NIM1K: variants seen among roughly 807,000 people sequenced by gnomAD.
The protein encoded by NIM1K is NIM1 serine/threonine protein kinase.
NIM1K carries 35 observed loss-of-function variants against 37.1 expected under a neutral mutation model. That is an observed-to-expected ratio of 0.94 (90% CI 0.72 to 1.25). The LOEUF is 1.25. Ranked by LOEUF, NIM1K falls within the 50% of genes most tolerant of loss-of-function variation. The pLI, the probability that NIM1K is intolerant of heterozygous loss-of-function variation, is 0.00. For missense variants in NIM1K, 564 were observed against 548.0 expected, an observed-to-expected ratio of 1.03 and a Z score of -0.29; for synonymous variants, 234 against 206.6, an observed-to-expected ratio of 1.13 and a Z score of -1.14.
Position 43,206,442 on chromosome 5 carries a change from G to C in NIM1K, c.-695+14031G>C, listed in dbSNP as rs1433312586. Among the ~76,000 whole-genome samples, 3 of 144,024 alleles carry C rather than the reference G, an allele frequency of 2.1e-5. No individual in the cohort carries two copies. In the East Asian group the frequency reaches 6.1e-4, roughly 29 times the overall value. The allele number at this position is 144,024 out of a possible 152,430, so 94.5% of individuals were successfully genotyped here. A position where few individuals can be genotyped will look rare whatever the true frequency, so the allele number is the denominator to read the frequency against. On this transcript the variant is annotated intron_variant, in intron 1 of 3. Coordinates refer to ENST00000326035, the MANE Select transcript of NIM1K (RefSeq NM_153361.4). ...CTTGAGCCCAGGGATCAAGGCTGTAGTGAGCCATGATTGTGCCGCTGCACT... is the reference window on the plus strand; with the variant it reads ...CTTGAGCCCAGGGATCAAGGCTGTACTGAGCCATGATTGTGCCGCTGCACT...
At chr5:43,222,265 G>C (rs1248456821) in intron 1 of NIM1K, among the ~76,000 whole-genome samples, 1 of 152,224 alleles carries the variant, frequency 6.6e-6, no homozygotes, top group Non-Finnish European at 1.5e-5. Context: ...GTTTAGGACA[G>C]AGCAGAGGAA....
chr5:43,208,969 G>A (rs914279089), intron 1 of NIM1K, among the ~76,000 whole-genome samples: 1 of 152,210 alleles, frequency 6.6e-6, no homozygotes, highest in Admixed American at 6.5e-5. Context: ...GTCCATGGGT[G>A]TGTACATTTC....
At chr5:43,195,000 T>A (rs1751891187) in intron 1 of NIM1K, 1 of 152,258 alleles carries the variant, frequency 6.6e-6, no homozygotes, top group African/African-American at 2.4e-5. Flanking sequence ...AATATAACAT[T>A]AAATCCAACT....
rs1401696264 is a variant in NIM1K, at chr5:43,280,412, A to G, written c.994A>G (p.Thr332Ala). The stretch of plus-strand genomic sequence containing the variant: ...ATGGATGCAAGGGGTGCCATACCCT[A>G]CACCTTTGGAACCTTTCCAACTGGA... ...DEWMQGVPYP[T>A]PLEPFQLDPK... is the part of the protein sequence containing the mutation. The change falls in exon 4 of 4, where the codon ACA (threonine) becomes GCA (alanine). Residue 332 changes from threonine (T) to alanine (A), a missense_variant. Coordinates refer to ENST00000326035, the MANE Select transcript of NIM1K (RefSeq NM_153361.4). The G allele has an allele frequency of 2.5e-6, 4 of 1,614,188 alleles. No homozygotes were observed. Among genetic ancestry groups the G allele is most frequent in the Admixed American group, 3.3e-5 (2 of 60,032 alleles).
chr5:43,224,298 C>A (rs1017735916), intron 1 of NIM1K, among the ~76,000 whole-genome samples: 1 of 151,996 alleles, frequency 6.6e-6, no homozygotes, highest in African/African-American at 2.4e-5. Context: ...ATTGCTTGGA[C>A]CCCTGAAGTA....
intron 2 of NIM1K, among the ~76,000 whole-genome samples, chr5:43,269,357 G>C (rs1445322155): frequency 1.4e-5 from 2 of 145,084 alleles, no homozygotes; most frequent in African/African-American, 5.1e-5. Flanking sequence ...GCTAGCCTTT[G>C]GTTTCCATAT....
At position 43,245,930 on chromosome 5, in the gene NIM1K, C is replaced by T. The variant is rs150060621; in HGVS notation, c.155C>T (p.Thr52Ile). The change falls in exon 2 of 4, where the codon ACA becomes ATA. Residue 52 changes from threonine (T) to isoleucine (I), a missense_variant. By Grantham distance (89) the Thr-to-Ile change is moderately conservative. Coordinates refer to ENST00000326035, the MANE Select transcript of NIM1K (RefSeq NM_153361.4). The part of the protein sequence containing the change: ...PRQLTPFEKL[T>I]QDMSQDEKVV... ...CAGCTGACGCCCTTCGAGAAACTGA[C>T]ACAGGACATGTCCCAGGATGAGAAG... 4.3e-6 allele frequency: 7 copies of T among 1,613,996 alleles called. No homozygotes were observed. In the African/African-American group the frequency reaches 8.0e-5, roughly 18 times the overall value.
chr5:43,272,242 C>T (rs576349873), intron 2 of NIM1K, among the ~76,000 whole-genome samples: 1 of 152,292 alleles, frequency 6.6e-6, no homozygotes, highest in East Asian at 1.9e-4. Context: ...CTACCCATCC[C>T]TACTTTTAGA....
intron 1 of NIM1K, among the ~76,000 whole-genome samples, chr5:43,213,828 C>T (rs915930859): frequency 2.6e-5 from 4 of 151,622 alleles, no homozygotes; most frequent in African/African-American, 4.8e-5. Flanking sequence ...TGGGTTTCAC[C>T]ATGTTGGCCA....
chr5:43,278,345 G>A (rs574325086), intron 3 of NIM1K, among the ~76,000 whole-genome samples: 3 of 152,174 alleles, frequency 2.0e-5, no homozygotes, highest in Middle Eastern at 3.4e-3. Context: ...GTGCCTGGCC[G>A]CTTGTGTCAT....
At chr5:43,277,033 A>T (rs1206441861) in intron 2 of NIM1K, 24 bp from the exon 3 acceptor site, 2 of 1,611,118 alleles carry the variant, frequency 1.2e-6, no homozygotes, top group Non-Finnish European at 1.7e-6. Context: ...ATTCTGGCAC[A>T]ATTTTTACTT....
At chr5:43,265,446 G>A (rs956065815) in intron 2 of NIM1K, among the ~76,000 whole-genome samples, 12 of 152,072 alleles carry the variant, frequency 7.9e-5, no homozygotes, top group Non-Finnish European at 1.6e-4. Flanking sequence ...CATAGTTCTT[G>A]TGCCATGGTT....
intron 1 of NIM1K, among the ~76,000 whole-genome samples, chr5:43,235,231 AAATT>A (rs767900929): frequency 6.6e-6 from 1 of 152,246 alleles, no homozygotes; most frequent in Non-Finnish European, 1.5e-5. Context: ...TCACAAATCT[AAATT>A]AATTATCCAA....
At chr5:43,225,577 G>T (rs1168392220) in intron 1 of NIM1K, 2 of 152,468 alleles carry the variant, frequency 1.3e-5, no homozygotes, top group Admixed American at 1.3e-4. Flanking sequence ...CATATTCTGG[G>T]GTGCTACTCA....
chr5:43,197,172 A>G (rs1751930602), intron 1 of NIM1K, among the ~76,000 whole-genome samples: 1 of 152,028 alleles, frequency 6.6e-6, no homozygotes, highest in African/African-American at 2.4e-5. Context: ...TCACTCACCT[A>G]GACTACAGTG....
intron 1 of NIM1K, among the ~76,000 whole-genome samples, chr5:43,197,571 C>T (rs962750937): frequency 2.6e-5 from 4 of 152,198 alleles, no homozygotes; most frequent in African/African-American, 7.2e-5. Flanking sequence ...ATGTAATCAA[C>T]AGCGCCAGCC....
intron 1 of NIM1K, among the ~76,000 whole-genome samples, chr5:43,236,454 T>TAAA (rs528802928): frequency 6.6e-6 from 1 of 151,158 alleles, no homozygotes; most frequent in Non-Finnish European, 1.5e-5. Context: ...TGCCTCTAAA[T>TAAA]AAAAAAAAAC....
rs71608701 is a variant in NIM1K, at chr5:43,238,039, A to ATT, written c.-694-7023_-694-7022dup. ...TTTTCTTTCACAATTCTTCAATTTA[A>ATT]TTTTTTTTTTTTTTTTTTTTTGAGA... is the stretch of plus-strand genomic sequence containing the variant. On this transcript the variant is annotated intron_variant, in intron 1 of 3. Transcript: ENST00000326035. Among the ~76,000 whole-genome samples, 732 of 120,590 alleles carry ATT rather than the reference A, an allele frequency of 6.1e-3. 18 individuals are homozygous for ATT. Among genetic ancestry groups the ATT allele is most frequent in the African/African-American group, 0.013 (437 of 32,590 alleles). 79.1% of individuals were successfully genotyped at this position (120,590 alleles called of 152,430 possible).
At chr5:43,197,378 C>T (rs1457579693) in intron 1 of NIM1K, among the ~76,000 whole-genome samples, 1 of 151,956 alleles carries the variant, frequency 6.6e-6, no homozygotes, top group Non-Finnish European at 1.5e-5. Flanking sequence ...CTCCTGGCCT[C>T]AAGCCATCCT....
Sources: allele counts gnomAD v4.1 joint callset (sites outside exome capture counted in the v4.1 genomes callset), GRCh38; gene constraint gnomAD v4.1.1; transcripts MANE v1.5; gene names NCBI Gene and HGNC (gene_info 2026-07-23, HGNC 2026-07-21).